The following CLN8 variants were observed in gnomAD, a reference collection of about 807,000 sequenced individuals.
The protein encoded by CLN8 is CLN8 transmembrane ER and ERGIC protein.
A neutral mutation model predicts 15.7 loss-of-function variants in CLN8; 14 were observed. The ratio of observed to expected loss-of-function variants is 0.89; its 90% CI spans 0.59 to 1.39. The LOEUF (loss-of-function observed/expected upper bound fraction) is 1.39. CLN8 is among the 40% of genes most tolerant of loss of function. The pLI is 0.00. For missense variants in CLN8, 415 were observed against 364.0 expected (o/e 1.14, Z -1.14); for synonymous variants, 188 against 151.0 (o/e 1.25, Z -1.80).
At chr8:1,763,082 G>T (rs1320658139), upstream of CLN8, 1 of 152,312 alleles carries the variant, frequency 6.6e-6, no homozygotes, top group East Asian at 1.9e-4. Flanking sequence ...AGAAGGGCCG[G>T]GGATGCGCTC....
At chr8:1,771,630 G>C (rs770147696) in intron 2 of CLN8, 33 bp downstream of exon 2, 3 of 1,594,324 alleles carry the variant, frequency 1.9e-6, no homozygotes, top group Non-Finnish European at 2.6e-6. Context: ...GATGACATGT[G>C]CCTCACGCAT....
At chr8:1,762,882 T>C (rs766220778), upstream of CLN8, 2 of 152,246 alleles carry the variant, frequency 1.3e-5, no homozygotes, top group Admixed American at 6.5e-5. Flanking sequence ...TCAAGGAACG[T>C]GTATTGATCA....
intron 2 of CLN8, chr8:1,779,859 G>T: frequency 2.8e-6 from 2 of 707,522 alleles, no homozygotes; most frequent in Non-Finnish European, 3.5e-6. Flanking sequence ...AGGTATGGGA[G>T]CTTGATATAC....
At chr8:1,761,012 C>CTTT (rs61327257), upstream of CLN8, among the ~76,000 whole-genome samples, 231 of 67,598 alleles carry the variant, frequency 3.4e-3, 1 homozygote, top group East Asian at 6.6e-3. Context: ...CTATAGCCAT[C>CTTT]TTTTTTTTTT....
rs1490060046 is a variant in CLN8, at chr8:1,784,761, T to A, written c.*4194T>A. On this transcript the variant is annotated 3_prime_UTR_variant, in exon 3 of 3. Coordinates refer to ENST00000331222, the MANE Select transcript of CLN8 (RefSeq NM_018941.4). ...CAGGGGACAGACCCAAGGGCTGATATGGGGACACCTGCTGAGGGGGGAATT... is the reference window on the plus strand; with the variant it reads ...CAGGGGACAGACCCAAGGGCTGATAAGGGGACACCTGCTGAGGGGGGAATT... 2.6e-5 allele frequency: 4 copies of A among 152,562 alleles called. No individual in the cohort carries two copies. In the East Asian group the frequency reaches 7.7e-4, roughly 30 times the overall value. The allele number at this position is 152,562 out of a possible 1,614,324, so 9.5% of individuals were successfully genotyped here.
chr8:1,774,268 G>A (rs747403540), intron 2 of CLN8, among the ~76,000 whole-genome samples: 3 of 152,144 alleles, frequency 2.0e-5, no homozygotes, highest in Non-Finnish European at 2.9e-5. Flanking sequence ...AATGGAGAAA[G>A]GGTTATTTAA....
At chr8:1,754,178 G>A (rs538520190), upstream of CLN8, among the ~76,000 whole-genome samples, 2 of 152,290 alleles carry the variant, frequency 1.3e-5, no homozygotes, top group South Asian at 2.1e-4. Context: ...CCACGAGCAT[G>A]ATCCTATCAA....
chr8:1,755,816 T>G (rs1800657031), exon 1 of CLN8: 1 of 152,116 alleles, frequency 6.6e-6, no homozygotes, highest in South Asian at 2.1e-4. Context: ...TCAGAATGAG[T>G]CAGCTCCGCT....
rs1801790778 is a variant in CLN8 at position 1,784,864 on chromosome 8, T to C, written c.*4297T>C. On this transcript the variant is annotated 3_prime_UTR_variant, in exon 3 of 3. Transcript: ENST00000331222. ...CAGGCTGCCTGGCAAGACCAGCGGC[T>C]GGAGGTGATGTCCTCAGTAGAGAAC... is the stretch of plus-strand genomic sequence containing the variant. The C allele has an allele frequency of 6.6e-6, 1 of 152,310 alleles. No homozygotes were observed. The highest frequency in any genetic ancestry group is 2.4e-5 in the African/African-American group (1 of 41,426). 9.4% of individuals were successfully genotyped at this position (152,310 alleles called of 1,614,324 possible).
intron 1 of CLN8, among the ~76,000 whole-genome samples, chr8:1,768,224 G>A (rs551858972): frequency 6.6e-6 from 1 of 152,284 alleles, no homozygotes; most frequent in African/African-American, 2.4e-5. Context: ...GATTACAGGT[G>A]TGAGCCACCA....
upstream of CLN8, chr8:1,762,615 C>G (rs1330739521): frequency 6.6e-6 from 1 of 152,184 alleles, no homozygotes; most frequent in African/African-American, 2.4e-5. Flanking sequence ...CAACGTTTTC[C>G]CACATGTACT....
Position 1,770,852 on chromosome 8 carries a change from G to C in CLN8, c.-123-80G>C, listed in dbSNP as rs1453577734. ...AAGGTACAGAATTAAATATTTTGTA[G>C]TTTAATGTTTGCGTTACTGGGGTAG... On this transcript the variant is annotated intron_variant, in intron 1 of 2. Coordinates refer to ENST00000331222, the MANE Select transcript of CLN8 (RefSeq NM_018941.4). 4 of 610,778 alleles carry C rather than the reference G, an allele frequency of 6.5e-6. No individual in the cohort carries two copies. The East Asian group carries it at 1.1e-4, about 17-fold the overall frequency. 37.8% of individuals were successfully genotyped at this position (610,778 alleles called of 1,614,324 possible). A position where few individuals can be genotyped will look rare whatever the true frequency, so the allele number is the denominator to read the frequency against.
chr8:1,772,195 C>G (rs762936808), intron 2 of CLN8, among the ~76,000 whole-genome samples: 1 of 152,102 alleles, frequency 6.6e-6, no homozygotes, highest in Non-Finnish European at 1.5e-5. Context: ...CTGGGCCTCC[C>G]AAAGTGCTGG....
chr8:1,760,512 A>G (rs548650394), upstream of CLN8: 1 of 152,220 alleles, frequency 6.6e-6, no homozygotes, highest in Non-Finnish European at 1.5e-5. Flanking sequence ...TTTAGAAAAC[A>G]AAACTATTTT....
At chr8:1,757,112 C>T (rs145449320) in intron 1 of CLN8, among the ~76,000 whole-genome samples, 67 of 152,334 alleles carry the variant, frequency 4.4e-4, no homozygotes, top group African/African-American at 1.5e-3. Flanking sequence ...TCGAGGCCAG[C>T]GTCCCTCTCT....
intron 1 of CLN8, among the ~76,000 whole-genome samples, chr8:1,766,891 C>T (rs570106954): frequency 1.3e-5 from 2 of 152,248 alleles, no homozygotes; most frequent in Non-Finnish European, 2.9e-5. Flanking sequence ...AGAAGCTGAG[C>T]TCTTCCCATA....
rs974763115 is a variant in CLN8 at position 1,786,410 on chromosome 8, C to G, written c.*5843C>G. On this transcript the variant is annotated 3_prime_UTR_variant, in exon 3 of 3. Transcript: ENST00000331222. The stretch of plus-strand genomic sequence containing the variant: ...TTGCTAACTTTCTTCCTATTTTCTT[C>G]TAATGCGAGAGCTTATTAATTCCAT... The G allele has an allele frequency of 6.6e-6, 1 of 152,210 alleles. No individual in the cohort carries two copies. The highest frequency in any genetic ancestry group is 1.5e-5 in the Non-Finnish European group (1 of 68,034). The allele number at this position is 152,210 out of a possible 1,614,324, so 9.4% of individuals were successfully genotyped here.
Position 1,771,134 on chromosome 8 carries a change from T to C in CLN8, c.80T>C (p.Leu27Pro), listed in dbSNP as rs1801283486. The change falls in exon 2 of 3, where the codon CTG becomes CCG. Residue 27 changes from leucine to proline, a missense_variant. By Grantham distance (98) the Leu-to-Pro change is moderately conservative (BLOSUM62 -3). Transcript: ENST00000331222. ...GCATCCTGGGGGATCCGCTCCACGCTGATGGTCGCTGGCTTTGTCTTCTAC... is the reference window on the plus strand; with the variant it reads ...GCATCCTGGGGGATCCGCTCCACGCCGATGGTCGCTGGCTTTGTCTTCTAC... ...DYASWGIRST[L>P]MVAGFVFYLG... The C allele has an allele frequency of 1.2e-6, 2 of 1,613,922 alleles. No homozygotes were observed. The highest frequency in any genetic ancestry group is 2.7e-5 in the African/African-American group (2 of 74,880).
chr8:1,766,294 T>A (rs1232387270), intron 1 of CLN8, among the ~76,000 whole-genome samples: 1 of 152,100 alleles, frequency 6.6e-6, no homozygotes, highest in African/African-American at 2.4e-5. Context: ...CCACTTCCTC[T>A]ACTGCAGAGA....
Sources: allele counts gnomAD v4.1 joint callset (sites outside exome capture counted in the v4.1 genomes callset), GRCh38; gene constraint gnomAD v4.1.1; transcripts MANE v1.5; gene names NCBI Gene and HGNC (gene_info 2026-07-23, HGNC 2026-07-21).